Variants in DOCK3 observed in about 807,000 individuals in gnomAD.
DOCK3 encodes dedicator of cytokinesis protein 3.
A neutral mutation model predicts 265.6 loss-of-function variants in DOCK3; 60 were observed. That is an observed-to-expected ratio of 0.23 (90% CI 0.18 to 0.28). DOCK3 has a LOEUF of 0.28. DOCK3 is among the 10% of genes least tolerant of loss of function. DOCK3 has a pLI of 1.00. For missense variants in DOCK3, 1,981 were observed against 2,594.3 expected, an observed-to-expected ratio of 0.76 and a Z score of 5.14; for synonymous variants, 881 against 938.0, an observed-to-expected ratio of 0.94 and a Z score of 1.11.
At chr3:50,918,813 T>A (rs1006833358) in intron 4 of DOCK3, among the ~76,000 whole-genome samples, 8 of 152,220 alleles carry the variant, frequency 5.3e-5, no homozygotes, top group African/African-American at 1.7e-4. Flanking sequence ...GCTTTTGGTG[T>A]TTTAGTCATG....
At chr3:50,742,461 G>A (rs1347328579) in intron 1 of DOCK3, among the ~76,000 whole-genome samples, 36 of 145,984 alleles carry the variant, frequency 2.5e-4, no homozygotes, top group East Asian at 1.8e-3. Context: ...AAATTTAGAC[G>A]AATGTATAAC....
At chr3:50,932,099 T>C (rs1192823421) in intron 4 of DOCK3, among the ~76,000 whole-genome samples, 1 of 152,216 alleles carries the variant, frequency 6.6e-6, no homozygotes, top group Non-Finnish European at 1.5e-5. Context: ...TGTCACATTT[T>C]ACTCTTAACA....
chr3:51,373,309 T>C (rs963335761), intron 49 of DOCK3, among the ~76,000 whole-genome samples: 1 of 152,204 alleles, frequency 6.6e-6, no homozygotes, highest in African/African-American at 2.4e-5. Flanking sequence ...CAGATTCAGC[T>C]GGAGCCCATG....
intron 12 of DOCK3, among the ~76,000 whole-genome samples, chr3:51,162,250 C>G (rs2086177372): frequency 6.6e-6 from 1 of 152,316 alleles, no homozygotes; most frequent in East Asian, 1.9e-4. Flanking sequence ...CTCTGTCTGA[C>G]TTGGGCATGA....
chr3:50,865,490 CTTT>C (rs1273116121), intron 3 of DOCK3, among the ~76,000 whole-genome samples: 2 of 152,166 alleles, frequency 1.3e-5, no homozygotes, highest in Non-Finnish European at 2.9e-5. Flanking sequence ...TCTTATTCTT[CTTT>C]ATGACTGAAT....
In DOCK3 at chr3:50,792,647, G is replaced by T. The variant is rs540428297; in HGVS notation, c.121+13889G>T. ...TTATTGAGAGTTTTTAACATAAATG[G>T]TGTTGAATTTTACCAAAAGCCTTTT... On this transcript the variant is annotated intron_variant, in intron 2 of 52. Coordinates refer to ENST00000266037, the MANE Select transcript of DOCK3 (RefSeq NM_004947.5). 6.0e-4 allele frequency among the ~76,000 whole-genome samples: 91 copies of T among 152,252 alleles called. 1 individual carries two copies. The highest frequency in any genetic ancestry group is 1.8e-3 in the Admixed American group (28 of 15,284).
chr3:50,827,389 G>A (rs2044827686), intron 2 of DOCK3, among the ~76,000 whole-genome samples: 1 of 152,042 alleles, frequency 6.6e-6, no homozygotes, highest in Admixed American at 6.5e-5. Context: ...ATAGATGGCT[G>A]TCTTTTTGGT....
intron 27 of DOCK3, among the ~76,000 whole-genome samples, chr3:51,305,194 C>T (rs1040280272): frequency 1.3e-5 from 2 of 152,166 alleles, no homozygotes; most frequent in African/African-American, 4.8e-5. Context: ...TCTACTATTA[C>T]TTTCCATTCT....
intron 9 of DOCK3, among the ~76,000 whole-genome samples, chr3:51,095,141 A>G (rs544847510): frequency 1.4e-3 from 216 of 151,806 alleles, no homozygotes; most frequent in African/African-American, 5.0e-3. Flanking sequence ...TTTTAATTGG[A>G]TCATTTAGCC....
intron 10 of DOCK3, among the ~76,000 whole-genome samples, chr3:51,147,919 A>G (rs927679502): frequency 6.6e-4 from 100 of 152,256 alleles, no homozygotes; most frequent in African/African-American, 2.2e-3. Context: ...TCGCCACACT[A>G]TCTTCCACAA....
intron 4 of DOCK3, among the ~76,000 whole-genome samples, chr3:50,932,981 A>G (rs4131887): frequency 0.094 from 14,367 of 152,294 alleles, 838 homozygotes; most frequent in Non-Finnish European, 0.12. Context: ...CAATCATGGC[A>G]GAAGGCAAAG....
chr3:51,018,579 CAT>C (rs1322063837), intron 5 of DOCK3, among the ~76,000 whole-genome samples: 2 of 151,200 alleles, frequency 1.3e-5, no homozygotes, highest in Non-Finnish European at 2.9e-5. Flanking sequence ...GAAGTATTTG[CAT>C]ATATATAATA....
intron 1 of DOCK3, among the ~76,000 whole-genome samples, chr3:50,771,581 G>A (rs1216052574): frequency 1.3e-5 from 2 of 152,160 alleles, no homozygotes; most frequent in Non-Finnish European, 2.9e-5. Context: ...GCCGGGTGTG[G>A]TGGCTCACAC....
At chr3:51,265,068 A>G (rs2080088746) in intron 23 of DOCK3, among the ~76,000 whole-genome samples, 1 of 152,164 alleles carries the variant, frequency 6.6e-6, no homozygotes, top group African/African-American at 2.4e-5. Flanking sequence ...AGAATACTAT[A>G]AACACCTCTG....
At chr3:51,167,797 T>C (rs1315574296) in intron 12 of DOCK3, among the ~76,000 whole-genome samples, 2 of 152,210 alleles carry the variant, frequency 1.3e-5, no homozygotes, top group Admixed American at 6.5e-5. Flanking sequence ...TGATTTTGTC[T>C]CCTGCTACTT....
At chr3:51,087,633 G>A (rs1445188226) in intron 7 of DOCK3, among the ~76,000 whole-genome samples, 1 of 152,082 alleles carries the variant, frequency 6.6e-6, no homozygotes, top group Admixed American at 6.6e-5. Flanking sequence ...CCTAGCCAGA[G>A]CAATCAAGCA....
At chr3:51,153,261 G>A (rs2085696699) in intron 10 of DOCK3, among the ~76,000 whole-genome samples, 1 of 152,196 alleles carries the variant, frequency 6.6e-6, no homozygotes, top group South Asian at 2.1e-4. Flanking sequence ...TTAGACTGCT[G>A]CACTAGCACT....
chr3:51,279,554 T>C (rs1207495244), intron 26 of DOCK3, among the ~76,000 whole-genome samples: 1 of 152,210 alleles, frequency 6.6e-6, no homozygotes, highest in Non-Finnish European at 1.5e-5. Flanking sequence ...TTAAAGCCCA[T>C]AGCTTGTCCC....
intron 24 of DOCK3, 116 bp from the exon 25 acceptor site, chr3:51,274,963 G>A: frequency 4.0e-6 from 5 of 1,263,928 alleles, no homozygotes; most frequent in Non-Finnish European, 5.7e-6. Context: ...CTTCACTTTT[G>A]CTCTAGTCTG....
Sources: gnomAD v4.1 joint callset for allele counts (sites outside exome capture counted in the v4.1 genomes callset) on GRCh38, gnomAD v4.1.1 for gene constraint, MANE v1.5 for transcripts, NCBI Gene and HGNC (gene_info 2026-07-23, HGNC 2026-07-21) for gene names.